CCDC73: variants seen among roughly 807,000 people sequenced by gnomAD.
CCDC73 encodes coiled-coil domain-containing protein 73.
A neutral mutation model predicts 116.5 loss-of-function variants in CCDC73; 95 were observed. That is an observed-to-expected ratio of 0.82 (90% CI 0.69 to 0.97). The LOEUF (loss-of-function observed/expected upper bound fraction) is 0.97, where lower values mean the gene tolerates loss of function less well. Ranked by LOEUF, CCDC73 falls within the 50% of genes least tolerant of loss-of-function variation. The pLI is 0.00. For synonymous variants in CCDC73, 398 were observed against 401.3 expected, an observed-to-expected ratio of 0.99 and a Z score of 0.10; for missense variants, 1,066 against 1,206.8, an observed-to-expected ratio of 0.88 and a Z score of 1.73.
chr11:32,790,083 A>C (rs1297883199), intron 1 of CCDC73, among the ~76,000 whole-genome samples: 1 of 152,186 alleles, frequency 6.6e-6, no homozygotes, highest in African/African-American at 2.4e-5. Flanking sequence ...GTGTAGGGAG[A>C]TTGAAGTCTA....
chr11:32,728,749 G>C (rs1040709974), intron 2 of CCDC73, among the ~76,000 whole-genome samples: 3 of 152,146 alleles, frequency 2.0e-5, no homozygotes. Flanking sequence ...CTGTCGCCCA[G>C]GCTGGAGTGC....
At chr11:32,755,805 A>ATATATCTCCATATATATGTGTGTG (rs1565094311) in intron 2 of CCDC73, among the ~76,000 whole-genome samples, 9 of 131,524 alleles carry the variant, frequency 6.8e-5, no homozygotes, top group Non-Finnish European at 1.1e-4. Flanking sequence ...ATATGTGTAT[A>ATATATCTCCATATATATGTGTGTG]TATATATCTC....
chr11:32,728,311 A>G (rs186523270), intron 2 of CCDC73, among the ~76,000 whole-genome samples: 19 of 152,298 alleles, frequency 1.2e-4, no homozygotes, highest in Admixed American at 3.3e-4. Context: ...TATTTATTTA[A>G]TCATTTATTA....
intron 14 of CCDC73, among the ~76,000 whole-genome samples, chr11:32,628,829 T>C (rs1349407154): frequency 6.6e-6 from 1 of 152,166 alleles, no homozygotes. Flanking sequence ...TCACTATTTA[T>C]AATGTAATCA....
intron 17 of CCDC73, among the ~76,000 whole-genome samples, chr11:32,606,845 C>CT (rs1455462723): frequency 8.1e-6 from 1 of 123,894 alleles, no homozygotes; most frequent in East Asian, 2.3e-4. Flanking sequence ...CTGTCTCACT[C>CT]TGTCACCCAG....
At chr11:32,685,380 A>G (rs1196379200) in intron 6 of CCDC73, among the ~76,000 whole-genome samples, 1 of 152,096 alleles carries the variant, frequency 6.6e-6, no homozygotes, top group African/African-American at 2.4e-5. Flanking sequence ...AAGAAAAACG[A>G]TAAATCAGGG....
the CCDC73 span, among the ~76,000 whole-genome samples, chr11:32,812,670 C>CA: frequency 0.22 from 23,065 of 102,984 alleles, 2,418 homozygotes; most frequent in East Asian, 0.56. Flanking sequence ...ACTACATCTC[C>CA]AAAAAAAAAA....
intron 15 of CCDC73, 97 bp from the exon 16 acceptor site, chr11:32,615,039 C>G: frequency 4.4e-6 from 3 of 686,826 alleles, no homozygotes; most frequent in African/African-American, 1.8e-5. Flanking sequence ...ACATATTTAA[C>G]CTTAAATATT....
intron 7 of CCDC73, among the ~76,000 whole-genome samples, chr11:32,677,177 G>A (rs1429731815): frequency 6.6e-6 from 1 of 152,116 alleles, no homozygotes; most frequent in Non-Finnish European, 1.5e-5. Flanking sequence ...TTTTCTGAAT[G>A]AACTGTTGTT....
chr11:32,656,369 G>A (rs1039612172), intron 9 of CCDC73, among the ~76,000 whole-genome samples: 2 of 151,936 alleles, frequency 1.3e-5, no homozygotes, highest in African/African-American at 2.4e-5. Flanking sequence ...GTGAGCCACC[G>A]CGCCCGGCCA....
intron 3 of CCDC73, among the ~76,000 whole-genome samples, chr11:32,715,003 G>A (rs949707732): frequency 6.6e-6 from 1 of 152,086 alleles, no homozygotes; most frequent in Non-Finnish European, 1.5e-5. Context: ...TGTCCACAAA[G>A]TCTGAAATAT....
chr11:32,727,635 C>G (rs181970679), intron 2 of CCDC73, among the ~76,000 whole-genome samples: 2 of 152,092 alleles, frequency 1.3e-5, no homozygotes, highest in Admixed American at 6.5e-5. Flanking sequence ...CGCAGTGGCG[C>G]CATCTCGGCT....
intron 2 of CCDC73, among the ~76,000 whole-genome samples, chr11:32,731,311 G>A (rs993221989): frequency 1.3e-5 from 2 of 152,308 alleles, no homozygotes; most frequent in South Asian, 4.1e-4. Context: ...ACAGTTCATG[G>A]AGGCCTGCCT....
intron 3 of CCDC73, among the ~76,000 whole-genome samples, chr11:32,715,195 TCAAAGGTC>T (rs1316910914): frequency 1.3e-5 from 2 of 152,176 alleles, no homozygotes. Context: ...CATGATGGTT[TCAAAGGTC>T]CTTATCCTTA....
chr11:32,713,892 T>C (rs1849922443), intron 3 of CCDC73, among the ~76,000 whole-genome samples: 1 of 151,942 alleles, frequency 6.6e-6, no homozygotes. Flanking sequence ...AGCCTTAGGG[T>C]CCCTATAAAC....
intron 14 of CCDC73, among the ~76,000 whole-genome samples, chr11:32,633,054 T>C (rs1855645848): frequency 6.6e-6 from 1 of 152,142 alleles, no homozygotes; most frequent in African/African-American, 2.4e-5. Flanking sequence ...AACCTGTTTT[T>C]TGTTTGTTAT....
the CCDC73 span, among the ~76,000 whole-genome samples, chr11:32,810,330 T>A: frequency 6.6e-6 from 1 of 152,232 alleles, no homozygotes; most frequent in Non-Finnish European, 1.5e-5. Flanking sequence ...ATGATAAATG[T>A]ACATGACTAC....
chr11:32,659,297 G>C (rs1358017285), intron 9 of CCDC73, among the ~76,000 whole-genome samples: 1 of 152,040 alleles, frequency 6.6e-6, no homozygotes. Context: ...GTTACAATAA[G>C]TCACAAAAGG....
rs1565056523 is a variant in CCDC73, at chr11:32,614,124, T to TGGTC, written c.2193_2194insGACC (p.Ser732AspfsTer10). On this transcript the variant is annotated frameshift_variant, in exon 16 of 18. Coordinates refer to ENST00000335185, the MANE Select transcript of CCDC73 (RefSeq NM_001008391.4). LOFTEE classifies it high-confidence loss of function. ...TTAGGTTTCACCAACATAGACATAC[T>TGGTC]ATGGACATTTTTATCTGAGTTCTTC... is the stretch of plus-strand genomic sequence containing the variant. 1 of 1,613,728 alleles carries TGGTC rather than the reference T, an allele frequency of 6.2e-7. No individual in the cohort carries two copies. Among genetic ancestry groups the TGGTC allele is most frequent in the South Asian group, 1.1e-5 (1 of 91,076 alleles).
Sources: allele counts gnomAD v4.1 joint callset (sites outside exome capture counted in the v4.1 genomes callset), GRCh38; gene constraint gnomAD v4.1.1; transcripts MANE v1.5; gene names NCBI Gene and HGNC (gene_info 2026-07-23, HGNC 2026-07-21).